The following ATRX variants were observed in gnomAD, a reference collection of about 807,000 sequenced individuals.
The protein encoded by ATRX is ATRX chromatin remodeler, also known as chromatin remodeler ATRX.
A neutral mutation model predicts 172.6 loss-of-function variants in ATRX; 12 were observed. The observed-to-expected ratio is 0.07, with a 90% CI of 0.04 to 0.11. The LOEUF (loss-of-function observed/expected upper bound fraction) is 0.11. Ranked by LOEUF, ATRX falls within the 10% of genes least tolerant of loss-of-function variation. The probability of loss-of-function intolerance (pLI) is 1.00; values close to 1 mark genes in which losing one functional copy is unlikely to be tolerated. For missense variants in ATRX, 1,368 were observed against 1,767.4 expected (o/e 0.77, Z 4.05); for synonymous variants, 674 against 594.7 (o/e 1.13, Z -1.94).
intron 9 of ATRX, among the ~76,000 whole-genome samples, chrX:77,677,369 T>C (rs1408877426): frequency 9.0e-6 from 1 of 111,337 alleles, no homozygotes; most frequent in African/African-American, 3.3e-5. Context: ...AAAATTACAG[T>C]GATAAAGAAC....
intron 1 of ATRX, among the ~76,000 whole-genome samples, chrX:77,744,469 G>A (rs1689468337): frequency 8.9e-6 from 1 of 111,883 alleles, no homozygotes; most frequent in Non-Finnish European, 1.9e-5. Context: ...TCAATGAAAA[G>A]ACAAAGGAAA....
At chrX:77,586,625 T>C (rs782710611) in intron 27 of ATRX, among the ~76,000 whole-genome samples, 18 of 112,355 alleles carry the variant, frequency 1.6e-4, no homozygotes, top group Non-Finnish European at 3.4e-4. Flanking sequence ...AATCCAACTG[T>C]TCTGGAAAAT....
intron 28 of ATRX, among the ~76,000 whole-genome samples, chrX:77,563,354 T>G (rs1166689531): frequency 8.9e-6 from 1 of 112,628 alleles, no homozygotes; most frequent in Non-Finnish European, 1.9e-5. Flanking sequence ...GCTCTCTCCA[T>G]TTAATTGCTT....
rs782545048 is a variant in ATRX at position 77,682,371 on chromosome X, G to A, written c.2885C>T (p.Ser962Phe). The A allele has an allele frequency of 8.3e-7, 1 of 1,211,043 alleles. No homozygotes were observed. Among genetic ancestry groups the A allele is most frequent in the East Asian group, 3.0e-5 (1 of 33,837 alleles). The part of the protein sequence containing the change: ...KTCKKVQDGL[S>F]DIAEKFLKKD... ...CTTTAGGAATTTCTCTGCAATATCA[G>A]ATAAGCCATCCTGTACTTTTTTACA... The change falls in exon 9 of 35, where the codon TCT (serine) becomes TTT (phenylalanine). Residue 962 changes from serine (S) to phenylalanine (F), a missense_variant. This residue lies in a region of ATRX where 843 missense variants were observed against 643.1 expected (regional missense o/e 1.31). Transcript: ENST00000373344.
Position 77,506,832 on chromosome X carries a change from G to GTT in ATRX, c.*1517_*1518dup. The GTT allele has an allele frequency of 7.2e-6, 1 of 139,464 alleles. No homozygotes were observed. Among genetic ancestry groups the GTT allele is most frequent in the East Asian group, 1.2e-4 (1 of 8,373 alleles). 11.5% of individuals were successfully genotyped at this position (139,464 alleles called of 1,213,427 possible). On this transcript the variant is annotated 3_prime_UTR_variant, in exon 35 of 35. Coordinates refer to ENST00000373344, the MANE Select transcript of ATRX (RefSeq NM_000489.6). The stretch of plus-strand genomic sequence containing the variant: ...TTAATCATCCAAACAACTCAAAGCA[G>GTT]TTTTAGCTAATGTTAAACTCATTCT...
intron 10 of ATRX, among the ~76,000 whole-genome samples, chrX:77,669,309 C>T (rs2070426290): frequency 9.1e-6 from 1 of 109,614 alleles, no homozygotes; most frequent in African/African-American, 3.3e-5. Context: ...ACAGATGATG[C>T]CTTTTTTTTT....
At chrX:77,637,069 G>C (rs1467813684) in intron 15 of ATRX, among the ~76,000 whole-genome samples, 3 of 107,756 alleles carry the variant, frequency 2.8e-5, no homozygotes, top group Admixed American at 9.9e-5. Flanking sequence ...AGAAGAAGGA[G>C]GAAGAAGGAA....
Position 77,766,821 on chromosome X carries a change from C to T in ATRX, c.20+19161G>A, listed in dbSNP as rs1296626252. ...GCTCCTCACTTCCCAGACGGGGTGG[C>T]GGCCGGGCAGAGGCTGCAATCTCGG... On this transcript the variant is annotated intron_variant, in intron 1 of 34. Coordinates refer to ENST00000373344, the MANE Select transcript of ATRX (RefSeq NM_000489.6). 1.3e-4 allele frequency among the ~76,000 whole-genome samples: 15 copies of T among 111,371 alleles called. No homozygotes were observed. The South Asian group carries it at 2.2e-3, about 17-fold the overall frequency.
intron 30 of ATRX, among the ~76,000 whole-genome samples, chrX:77,544,557 T>G: frequency 1.1e-5 from 1 of 89,704 alleles, no homozygotes. Flanking sequence ...CCCAATGCTA[T>G]CCCTCCCCCC....
intron 1 of ATRX, among the ~76,000 whole-genome samples, chrX:77,767,092 C>T (rs1262167421): frequency 1.8e-5 from 2 of 111,960 alleles, no homozygotes; most frequent in South Asian, 3.7e-4. Flanking sequence ...TGGTGGCGCG[C>T]GCCTGCAATC....
At chrX:77,518,068 C>T (rs924083704) in intron 34 of ATRX, among the ~76,000 whole-genome samples, 1 of 111,916 alleles carries the variant, frequency 8.9e-6, no homozygotes, top group Non-Finnish European at 1.9e-5. Context: ...GTATCGTACT[C>T]AATGGGGAAA....
At chrX:77,589,140 G>A (rs893432002) in intron 27 of ATRX, among the ~76,000 whole-genome samples, 56 of 112,079 alleles carry the variant, frequency 5.0e-4, no homozygotes, top group African/African-American at 1.8e-3. Flanking sequence ...TGAAAGGTGA[G>A]AACAACCCTA....
chrX:77,698,220 G>C (rs1355281637), intron 3 of ATRX, among the ~76,000 whole-genome samples: 1 of 111,196 alleles, frequency 9.0e-6, no homozygotes, highest in Non-Finnish European at 1.9e-5. Flanking sequence ...GTTATGAGTT[G>C]CTATAATAAT....
At chrX:77,743,625 C>T (rs2074961908) in intron 1 of ATRX, among the ~76,000 whole-genome samples, 2 of 111,593 alleles carry the variant, frequency 1.8e-5, no homozygotes, top group African/African-American at 6.5e-5. Context: ...CCTTACTGGC[C>T]TGGATCTCAT....
chrX:77,682,343 TTTC>T lies in ATRX; in HGVS notation c.2910_2912del (p.Lys971del), dbSNP rs2071260400. On this transcript the variant is annotated inframe_deletion, in exon 9 of 35. Transcript: ENST00000373344. ...CTTCAGAAGTTTCATCGCTCTGGTC[TTTC>T]TTTAGGAATTTCTCTGCAATATCAG... The T allele has an allele frequency of 8.3e-7, 1 of 1,208,349 alleles. No homozygotes were observed.
intron 10 of ATRX, among the ~76,000 whole-genome samples, chrX:77,670,320 G>A (rs2070489224): frequency 9.0e-6 from 1 of 111,678 alleles, no homozygotes; most frequent in Non-Finnish European, 1.9e-5. Flanking sequence ...AGTATATGTA[G>A]TACTAAAGCA....
At chrX:77,530,661 C>T (rs184646673) in intron 30 of ATRX, among the ~76,000 whole-genome samples, 27 of 109,886 alleles carry the variant, frequency 2.5e-4, no homozygotes, top group East Asian at 1.4e-3. Flanking sequence ...AAAGATTTCA[C>T]GTTAACAACC....
intron 19 of ATRX, among the ~76,000 whole-genome samples, chrX:77,632,242 T>TC (rs1432193722): frequency 3.2e-4 from 5 of 15,386 alleles, no homozygotes; most frequent in Admixed American, 1.4e-3. Flanking sequence ...AGCTTTAATT[T>TC]TTTTTTTCTT....
At chrX:77,707,941 T>C (rs782309154) in intron 2 of ATRX, among the ~76,000 whole-genome samples, 1 of 112,201 alleles carries the variant, frequency 8.9e-6, no homozygotes, top group Non-Finnish European at 1.9e-5. Context: ...ATGGTTGGCA[T>C]GGACGTGAAG....
Sources: allele counts gnomAD v4.1 joint callset (sites outside exome capture counted in the v4.1 genomes callset), GRCh38; gene constraint gnomAD v4.1.1; regional missense constraint gnomAD v4.1.1; transcripts MANE v1.5; gene names NCBI Gene and HGNC (gene_info 2026-07-23, HGNC 2026-07-21).